The following ANO3 variants were observed in gnomAD, a reference collection of about 807,000 sequenced individuals.
The protein encoded by ANO3 is anoctamin 3.
ANO3 carries 99 observed loss-of-function variants against 144.8 expected under a neutral mutation model. The observed-to-expected ratio is 0.68, with a 90% CI of 0.58 to 0.81. The LOEUF (loss-of-function observed/expected upper bound fraction) is 0.81, where lower values mean the gene tolerates loss of function less well. Among genes scored for constraint, ANO3 ranks in the 30% least tolerant of loss-of-function variants. ANO3 has a pLI of 0.00. For synonymous variants in ANO3, 414 were observed against 392.6 expected (o/e 1.05, Z -0.64); for missense variants, 905 against 1,202.2 (o/e 0.75, Z 3.66).
At chr11:26,326,165 ATT>A (rs1399811045) in intron 1 of ANO3, among the ~76,000 whole-genome samples, 1 of 152,092 alleles carries the variant, frequency 6.6e-6, no homozygotes, top group Admixed American at 6.5e-5. Flanking sequence ...TTTTACATTT[ATT>A]TTTATAACAT....
At chr11:26,344,338 T>C (rs1161176652) in intron 1 of ANO3, among the ~76,000 whole-genome samples, 2 of 151,276 alleles carry the variant, frequency 1.3e-5, no homozygotes. Flanking sequence ...AAACAGTACA[T>C]TCAAATTTCC....
intron 1 of ANO3, among the ~76,000 whole-genome samples, chr11:26,319,719 AC>A (rs1564963351): frequency 6.6e-6 from 1 of 152,186 alleles, no homozygotes; most frequent in Non-Finnish European, 1.5e-5. Flanking sequence ...TTTTAAAGAT[AC>A]CTTGTTATTT....
intron 1 of ANO3, among the ~76,000 whole-genome samples, chr11:26,388,604 A>C (rs1232572888): frequency 6.6e-6 from 1 of 152,150 alleles, no homozygotes; most frequent in Non-Finnish European, 1.5e-5. Flanking sequence ...TATGACTAGC[A>C]ACTAATTGTT....
chr11:26,427,449 G>A (rs997534986), intron 1 of ANO3: 2 of 152,120 alleles, frequency 1.3e-5, no homozygotes, highest in East Asian at 3.8e-4. Context: ...CCAAATCATG[G>A]CCCAAGTTTC....
intron 1 of ANO3, chr11:26,208,466 T>C (rs1365356494): frequency 6.8e-6 from 1 of 148,116 alleles, no homozygotes; most frequent in East Asian, 2.0e-4. Context: ...TGAGCCAAGA[T>C]CACACCACTG....
chr11:26,586,501 A>ATTTTTTTTTTTTTTTTT (rs1281089936), intron 14 of ANO3, among the ~76,000 whole-genome samples: 12 of 40,016 alleles, frequency 3.0e-4, no homozygotes, highest in Non-Finnish European at 4.0e-4. Flanking sequence ...CCTGGTGAGA[A>ATTTTTTTTTTTTTTTTT]TCTTTTTTTT....
At chr11:26,215,906 T>C (rs1195468880) in intron 1 of ANO3, among the ~76,000 whole-genome samples, 1 of 152,014 alleles carries the variant, frequency 6.6e-6, no homozygotes, top group East Asian at 1.9e-4. Context: ...AATACACATG[T>C]GTAAAGTTAT....
chr11:26,223,039 T>C (rs1162558656), intron 1 of ANO3, among the ~76,000 whole-genome samples: 1 of 152,066 alleles, frequency 6.6e-6, no homozygotes, highest in Non-Finnish European at 1.5e-5. Flanking sequence ...CTTCTGAAGA[T>C]GCTTTTTTTT....
intron 1 of ANO3, among the ~76,000 whole-genome samples, chr11:26,250,962 C>T (rs1484802105): frequency 6.6e-6 from 1 of 152,146 alleles, no homozygotes. Context: ...CAACATAGCA[C>T]ACTGTAGCAT....
intron 3 of ANO3, among the ~76,000 whole-genome samples, chr11:26,448,036 A>C (rs900347279): frequency 6.6e-6 from 1 of 152,214 alleles, no homozygotes; most frequent in African/African-American, 2.4e-5. Flanking sequence ...GCAGTGGCTC[A>C]TGCCTGTAAT....
intron 1 of ANO3, among the ~76,000 whole-genome samples, chr11:26,424,206 G>A (rs939989859): frequency 9.5e-5 from 14 of 148,046 alleles, no homozygotes; most frequent in East Asian, 4.0e-4. Flanking sequence ...TCTATCCTAC[G>A]TTATGGCTTT....
intron 11 of ANO3, among the ~76,000 whole-genome samples, chr11:26,543,210 G>A (rs913352898): frequency 2.6e-5 from 4 of 152,010 alleles, no homozygotes; most frequent in African/African-American, 7.2e-5. Flanking sequence ...AGACAGCCAC[G>A]GCCAAACCAT....
At chr11:26,589,036 G>T (rs920043464) in intron 14 of ANO3, among the ~76,000 whole-genome samples, 1 of 152,150 alleles carries the variant, frequency 6.6e-6, no homozygotes, top group Non-Finnish European at 1.5e-5. Flanking sequence ...ACTTATGGTA[G>T]TCCTGGGGAA....
chr11:26,291,921 C>A (rs530964180), intron 1 of ANO3, among the ~76,000 whole-genome samples: 1 of 151,904 alleles, frequency 6.6e-6, no homozygotes, highest in Non-Finnish European at 1.5e-5. Flanking sequence ...ATCTTTGTGG[C>A]GTTCTCTATT....
chr11:26,371,368 A>C (rs1426479441), intron 1 of ANO3, among the ~76,000 whole-genome samples: 1 of 152,242 alleles, frequency 6.6e-6, no homozygotes, highest in Non-Finnish European at 1.5e-5. Context: ...CTGGATGTCC[A>C]GGCAGAAGTT....
chr11:26,612,896 T>A (rs1852140392), intron 17 of ANO3, among the ~76,000 whole-genome samples: 1 of 152,140 alleles, frequency 6.6e-6, no homozygotes, highest in African/African-American at 2.4e-5. Flanking sequence ...TATATATAAC[T>A]TGAAAGTTTT....
At chr11:26,362,424 T>C (rs546158493) in intron 1 of ANO3, among the ~76,000 whole-genome samples, 28 of 152,240 alleles carry the variant, frequency 1.8e-4, no homozygotes, top group Admixed American at 1.6e-3. Flanking sequence ...GACCCTGAAA[T>C]CCCTTTTGTT....
In ANO3 at chr11:26,276,826, A is replaced by G. The variant is rs374980517; in HGVS notation, c.155-32819A>G. Reference sequence around the variant, plus strand: ...TGGTTTTCATTACTTTTGGGCTTTGATGGGTATAATTGGTCAGCGTGACTT... The same window carrying G: ...TGGTTTTCATTACTTTTGGGCTTTGGTGGGTATAATTGGTCAGCGTGACTT... On this transcript the variant is annotated intron_variant, in intron 1 of 27. Coordinates refer to the ANO3 transcript ENST00000672621. Among the ~76,000 whole-genome samples, 259 of 152,188 alleles carry G rather than the reference A, an allele frequency of 1.7e-3. 6 individuals carry two copies. In the South Asian group the frequency reaches 0.046, roughly 27 times the overall value.
rs1849657106 is a variant in ANO3 at position 26,541,980 on chromosome 11, C to T, written c.1066C>T (p.His356Tyr). The T allele has an allele frequency of 6.2e-7, 1 of 1,612,678 alleles. No homozygotes were observed. Among genetic ancestry groups the T allele is most frequent in the Non-Finnish European group, 8.5e-7 (1 of 1,179,132 alleles). Residue 356 changes from histidine (H) to tyrosine (Y), a missense_variant, in exon 11 of 27, where the codon CAT becomes TAT. Around this residue, in one of 4 missense-constraint regions of ANO3, gnomAD observed 597 missense variants for 865.1 expected, o/e 0.69. Transcript: ENST00000256737. ...CAAAAGTAGCCAGCCCATTAAAACC[C>T]ATGGACCTCAGAATAACAGACATCT... is the stretch of plus-strand genomic sequence containing the variant. ...AYKSSQPIKT[H>Y]GPQNNRHLLY...
Sources: gnomAD v4.1 joint callset for allele counts (sites outside exome capture counted in the v4.1 genomes callset) on GRCh38, gnomAD v4.1.1 for gene constraint, gnomAD v4.1.1 regional missense constraint, MANE v1.5 for transcripts, NCBI Gene and HGNC (gene_info 2026-07-23, HGNC 2026-07-21) for gene names.